KIF18B: variants seen among roughly 807,000 people sequenced by gnomAD.
The protein encoded by KIF18B is kinesin family member 18B, also known as kinesin-like protein KIF18B.
Under a neutral mutation model 80.9 loss-of-function variants are expected in KIF18B, and 49 were observed. The observed-to-expected ratio is 0.61, with a 90% CI of 0.48 to 0.77. The LOEUF (loss-of-function observed/expected upper bound fraction) is 0.77. Ranked by LOEUF, KIF18B falls within the 30% of genes least tolerant of loss-of-function variation. The pLI is 0.00. For missense variants in KIF18B, 994 were observed against 1,127.7 expected (o/e 0.88, Z 1.70); for synonymous variants, 439 against 463.9 (o/e 0.95, Z 0.69).
intron 3 of KIF18B, 88 bp downstream of exon 3, chr17:44,935,171 C>T (rs1249359073): frequency 6.5e-6 from 9 of 1,381,060 alleles, no homozygotes; most frequent in Non-Finnish European, 8.7e-6. Flanking sequence ...TTTCCTGCCA[C>T]CCTGTCCCAC....
chr17:44,926,355 C>G (rs1022058683), intron 15 of KIF18B, 59 bp downstream of exon 15: 80 of 1,553,570 alleles, frequency 5.1e-5, no homozygotes, highest in Non-Finnish European at 7.0e-5. Context: ...GTCCCCTCCT[C>G]CTTCTTGTCT....
chr17:44,936,767 G>C (rs9635719), intron 1 of KIF18B, among the ~76,000 whole-genome samples: 7 of 147,892 alleles, frequency 4.7e-5, no homozygotes, highest in African/African-American at 1.7e-4. Flanking sequence ...AGCCTCCTGA[G>C]TAGCTGGGAT....
rs1373232218 is a variant in KIF18B, at chr17:44,925,891, A to T, written c.*189T>A. On this transcript the variant is annotated 3_prime_UTR_variant, in exon 16 of 16. Coordinates refer to ENST00000593135, the MANE Select transcript of KIF18B (RefSeq NM_001265577.2). ...AGAAGCTGAGTGTAACAGGAGATTAACAGAGGGTGAGTAGCAGGATGGATG... is the reference window on the plus strand; with the variant it reads ...AGAAGCTGAGTGTAACAGGAGATTATCAGAGGGTGAGTAGCAGGATGGATG... 3.1e-5 allele frequency: 20 copies of T among 637,048 alleles called. No homozygotes were observed. The highest frequency in any genetic ancestry group is 3.4e-5 in the Non-Finnish European group (12 of 358,152). The allele number at this position is 637,048 out of a possible 1,614,324, so 39.5% of individuals were successfully genotyped here.
Position 44,925,929 on chromosome 17 carries a change from T to C in KIF18B, c.*151A>G. On this transcript the variant is annotated 3_prime_UTR_variant, in exon 16 of 16. Transcript: ENST00000593135. ...AGCAGGATGGATGTCTGGGGAGGGA[T>C]GTTAATACAGCAAAGGTGTGTTGGC... 1 of 718,830 alleles carries C rather than the reference T, an allele frequency of 1.4e-6. No homozygotes were observed. The highest frequency in any genetic ancestry group is 2.4e-6 in the Non-Finnish European group (1 of 414,010). 44.5% of individuals were successfully genotyped at this position (718,830 alleles called of 1,614,324 possible).
intron 1 of KIF18B, among the ~76,000 whole-genome samples, chr17:44,937,637 T>C (rs145668233): frequency 4.7e-4 from 72 of 152,316 alleles, no homozygotes; most frequent in African/African-American, 1.7e-3. Context: ...ATTAATTTCA[T>C]TTATTTTTAT....
intron 1 of KIF18B, among the ~76,000 whole-genome samples, chr17:44,939,854 C>T (rs1412662772): frequency 1.3e-5 from 2 of 152,124 alleles, no homozygotes; most frequent in Non-Finnish European, 2.9e-5. Context: ...TCGCTATCGC[C>T]CAGGCTGGAG....
chr17:44,931,680 G>A lies in KIF18B; in HGVS notation c.1439C>T (p.Ser480Phe). 1 of 1,613,976 alleles carries A rather than the reference G, an allele frequency of 6.2e-7. No homozygotes were observed. Among genetic ancestry groups the A allele is most frequent in the Non-Finnish European group, 8.5e-7 (1 of 1,179,888 alleles). The change falls in exon 11 of 16, where the codon TCC (serine) becomes TTC (phenylalanine). Residue 480 changes from serine (S) to phenylalanine (F), a missense_variant. Coordinates refer to ENST00000593135, the MANE Select transcript of KIF18B (RefSeq NM_001265577.2). ...CTTGGGCTGCAGGGTCAGGCGAGGGGACTCTGGCAGTGCATGTGTGGGGTT... is the reference window on the plus strand; with the variant it reads ...CTTGGGCTGCAGGGTCAGGCGAGGGAACTCTGGCAGTGCATGTGTGGGGTT... Reference protein sequence around the residue: ...EQNPTHALPESPRLTLQPKPV... With the variant: ...EQNPTHALPEFPRLTLQPKPV...
At chr17:44,939,736 A>G (rs1347812663) in intron 1 of KIF18B, among the ~76,000 whole-genome samples, 1 of 152,142 alleles carries the variant, frequency 6.6e-6, no homozygotes, top group Non-Finnish European at 1.5e-5. Context: ...TTTTCTTCAC[A>G]TGGGTATTAT....
At position 44,936,098 on chromosome 17, in the gene KIF18B, G is replaced by T. The variant is rs1419074928; in HGVS notation, c.247C>A (p.Gln83Lys). The change falls in exon 2 of 16, where the codon CAG becomes AAG. Residue 83 changes from glutamine to lysine, a missense_variant. By Grantham distance (53) the Gln-to-Lys change is moderately conservative. Coordinates refer to ENST00000593135, the MANE Select transcript of KIF18B (RefSeq NM_001265577.2). Reference sequence around the variant, plus strand: ...TGCGTGGTGTGCTGGAACACGTCCTGTTGGGTGGCCGCCTCGCCAAAGACC... The same window carrying T: ...TGCGTGGTGTGCTGGAACACGTCCTTTTGGGTGGCCGCCTCGCCAAAGACC... ...DRVFGEAATQQDVFQHTTHSV... is the reference protein window; with the variant it reads ...DRVFGEAATQKDVFQHTTHSV... 3 of 1,613,754 alleles carry T rather than the reference G, an allele frequency of 1.9e-6. No individual in the cohort carries two copies. In the African/African-American group the frequency reaches 4.0e-5, roughly 22 times the overall value.
chr17:44,926,619 A>C, intron 14 of KIF18B, 120 bp from the exon 15 acceptor site: 1 of 989,762 alleles, frequency 1.0e-6, no homozygotes, highest in Non-Finnish European at 1.4e-6. Context: ...GCTGCTGGGC[A>C]CCAGCAGGAG....
chr17:44,929,125 G>A, intron 11 of KIF18B, 101 bp from the exon 12 acceptor site: 1 of 1,059,686 alleles, frequency 9.4e-7, no homozygotes, highest in Non-Finnish European at 1.4e-6. Flanking sequence ...TGTGGTTGAG[G>A]AGTCTGAACT....
intron 9 of KIF18B, 46 bp downstream of exon 9, chr17:44,932,627 C>G: frequency 9.8e-7 from 1 of 1,021,460 alleles, no homozygotes; most frequent in South Asian, 1.3e-5. Context: ...GCTCCCCATC[C>G]TGGCTGAGCT....
At chr17:44,926,915 G>T in intron 14 of KIF18B, 74 bp downstream of exon 14, 1 of 1,287,136 alleles carries the variant, frequency 7.8e-7, no homozygotes, top group Non-Finnish European at 1.1e-6. Context: ...GGGGCCCAGA[G>T]TCGGCCCAGG....
intron 11 of KIF18B, 31 bp downstream of exon 11, chr17:44,931,571 T>C: frequency 6.2e-7 from 1 of 1,613,796 alleles, no homozygotes; most frequent in Non-Finnish European, 8.5e-7. Context: ...CTTCCCACCT[T>C]GATTCCAGAA....
chr17:44,941,340 CTTTT>C (rs36121835), intron 1 of KIF18B, among the ~76,000 whole-genome samples: 3 of 134,708 alleles, frequency 2.2e-5, no homozygotes, highest in Admixed American at 7.5e-5. Context: ...TTTTCTTTTT[CTTTT>C]TTTTTTTTTT....
intron 11 of KIF18B, among the ~76,000 whole-genome samples, chr17:44,930,282 T>C (rs1346309223): frequency 6.6e-6 from 1 of 152,216 alleles, no homozygotes; most frequent in Non-Finnish European, 1.5e-5. Flanking sequence ...GGACAAAGGC[T>C]TCAGTGCCCC....
chr17:44,936,616 ATATATATATTTTTTTTTTTTTTTT>A (rs2052311003), intron 1 of KIF18B, among the ~76,000 whole-genome samples: 2 of 79,786 alleles, frequency 2.5e-5, no homozygotes, highest in African/African-American at 1.0e-4. Context: ...ATATATATAT[ATATATATATTTTTTTTTTTTTTTT>A]TTTTTTTTTT....
rs1324734288 is a variant in KIF18B at position 44,928,555 on chromosome 17, G to A, written c.1747C>T (p.Pro583Ser). The A allele has an allele frequency of 2.8e-6, 4 of 1,453,442 alleles. No individual in the cohort carries two copies. The African/African-American group carries it at 4.3e-5, about 16-fold the overall frequency. 90.0% of individuals were successfully genotyped at this position (1,453,442 alleles called of 1,614,324 possible). A position where few individuals can be genotyped will look rare whatever the true frequency, so the allele number is the denominator to read the frequency against. ...ESIPVPSPLC[P>S]EPPGYTGPVT... The stretch of plus-strand genomic sequence containing the variant: ...GGGCCAGTGTATCCTGGAGGCTCTG[G>A]GCAGAGAGGAGACGGCACAGGGACT... Residue 583 changes from proline to serine, a missense_variant, in exon 13 of 16, where the codon CCA (proline) becomes TCA (serine). Transcript: ENST00000593135.
intron 15 of KIF18B, 56 bp downstream of exon 15, chr17:44,926,355 CCTT>C: frequency 5.1e-6 from 8 of 1,553,688 alleles, no homozygotes; most frequent in Non-Finnish European, 7.0e-6. Context: ...GTCCCCTCCT[CCTT>C]CTTGTCTTCA....
Sources: allele counts gnomAD v4.1 joint callset (sites outside exome capture counted in the v4.1 genomes callset), GRCh38; gene constraint gnomAD v4.1.1; transcripts MANE v1.5; gene names NCBI Gene and HGNC (gene_info 2026-07-23, HGNC 2026-07-21).